IRF4: variants seen among roughly 807,000 people sequenced by gnomAD.
The protein encoded by IRF4 is lymphocyte-specific interferon regulatory factor.
IRF4 carries 13 observed loss-of-function variants against 55.5 expected under a neutral mutation model. That is an observed-to-expected ratio of 0.23 (90% confidence interval 0.15 to 0.37). The LOEUF is 0.37. Ranked by LOEUF, IRF4 falls within the 10% of genes least tolerant of loss-of-function variation. The pLI is 1.00. For missense variants in IRF4, 397 were observed against 593.8 expected (o/e 0.67, Z 3.44); for synonymous variants, 249 against 240.7 (o/e 1.03, Z -0.32).
In IRF4 at chr6:409,014, T is replaced by TG. The variant is rs1367536954; in HGVS notation, c.*1420dup. ...GTTTTGAGAAAGTACAGCAGTAGAC[T>TG]GGGGCGTCACCTCCAGGCCGTTTCT... On this transcript the variant is annotated 3_prime_UTR_variant, in exon 9 of 9. Transcript: ENST00000380956. The TG allele has an allele frequency of 1.3e-5, 3 of 222,852 alleles. No homozygotes were observed. Among genetic ancestry groups the TG allele is most frequent in the Non-Finnish European group, 2.7e-5 (3 of 111,428 alleles). The allele number at this position is 222,852 out of a possible 1,614,324, so 13.8% of individuals were successfully genotyped here. A position where few individuals can be genotyped will look rare whatever the true frequency, so the allele number is the denominator to read the frequency against.
At chr6:398,807 G>C in intron 5 of IRF4, 21 bp from the exon 6 acceptor site, 13 of 1,584,564 alleles carry the variant, frequency 8.2e-6, no homozygotes, top group Non-Finnish European at 1.1e-5. Flanking sequence ...GACATCATCT[G>C]ATTTTTATTT....
chr6:410,170 C>T lies in IRF4; in HGVS notation c.*2572C>T, dbSNP rs776690592. On this transcript the variant is annotated 3_prime_UTR_variant, in exon 9 of 9. Transcript: ENST00000380956. ...TAGAATTTAGTTTGTACTCAGTGGACAGTGCTGTTGAAGATTTGAGGACTT... is the reference window on the plus strand; with the variant it reads ...TAGAATTTAGTTTGTACTCAGTGGATAGTGCTGTTGAAGATTTGAGGACTT... The T allele has an allele frequency of 1.7e-5, 4 of 229,270 alleles. No homozygotes were observed. Among genetic ancestry groups the T allele is most frequent in the African/African-American group, 2.2e-5 (1 of 45,130 alleles). 14.2% of individuals were successfully genotyped at this position (229,270 alleles called of 1,614,324 possible). A position where few individuals can be genotyped will look rare whatever the true frequency, so the allele number is the denominator to read the frequency against.
chr6:392,723 C>G (rs139795494), intron 1 of IRF4, among the ~76,000 whole-genome samples: 1 of 151,982 alleles, frequency 6.6e-6, no homozygotes, highest in Admixed American at 6.6e-5. Flanking sequence ...TGGGAGTGAG[C>G]GAAGGCAAGC....
At chr6:397,764 G>T (rs190444916) in intron 5 of IRF4, among the ~76,000 whole-genome samples, 9 of 152,280 alleles carry the variant, frequency 5.9e-5, no homozygotes, top group Admixed American at 5.2e-4. Context: ...GATTAGATGT[G>T]GTCCCCTGCC....
chr6:405,754 A>G (rs1761527977), intron 8 of IRF4, among the ~76,000 whole-genome samples: 1 of 152,230 alleles, frequency 6.6e-6, no homozygotes, highest in Non-Finnish European at 1.5e-5. Context: ...GGCAAGTAAC[A>G]CTAAAAGGGT....
In IRF4 at chr6:393,175, G is replaced by A. The variant is rs139884486; in HGVS notation, c.23G>A (p.Arg8Gln). 535 of 1,552,266 alleles carry A rather than the reference G, an allele frequency of 3.4e-4. No homozygotes were observed. The highest frequency in any genetic ancestry group is 4.5e-4 in the Non-Finnish European group (512 of 1,147,636). The change falls in exon 2 of 9, where the codon CGA (arginine) becomes CAA (glutamine). Residue 8 changes from arginine to glutamine, a missense_variant. Transcript: ENST00000380956. The surrounding 1 kb of genome is among the most constrained non-coding windows in gnomAD (Gnocchi z 5.4). MNLEGGG[R>Q]GGEFGMSAVS... is the part of the protein sequence containing the mutation. Reference sequence around the variant, plus strand: ...GGCATGAACCTGGAGGGCGGCGGCCGAGGCGGAGAGTTCGGCATGAGCGCG... The same window carrying A: ...GGCATGAACCTGGAGGGCGGCGGCCAAGGCGGAGAGTTCGGCATGAGCGCG...
In IRF4 at chr6:410,345, G is replaced by A. The variant is rs766533707; in HGVS notation, c.*2747G>A. The stretch of plus-strand genomic sequence containing the variant: ...GAACACTATAGAGAACCAAGTGACC[G>A]ACTCATTTACAACTGAAACCTAGGA... On this transcript the variant is annotated 3_prime_UTR_variant, in exon 9 of 9. Transcript: ENST00000380956. 30 of 227,584 alleles carry A rather than the reference G, an allele frequency of 1.3e-4. No individual in the cohort carries two copies. Among genetic ancestry groups the A allele is most frequent in the Non-Finnish European group, 2.5e-4 (29 of 114,440 alleles). 14.1% of individuals were successfully genotyped at this position (227,584 alleles called of 1,614,324 possible). A position where few individuals can be genotyped will look rare whatever the true frequency, so the allele number is the denominator to read the frequency against.
intron 7 of IRF4, among the ~76,000 whole-genome samples, chr6:404,659 T>G (rs888910740): frequency 6.6e-6 from 1 of 152,242 alleles, no homozygotes; most frequent in African/African-American, 2.4e-5. Context: ...TGGCATAAAT[T>G]GGTCTTTTGC....
intron 1 of IRF4, among the ~76,000 whole-genome samples, chr6:392,271 C>T (rs546849844): frequency 6.6e-6 from 1 of 152,368 alleles, no homozygotes; most frequent in East Asian, 1.9e-4. Flanking sequence ...CGGTGCTCAC[C>T]CGCTGGCGCA....
At position 408,229 on chromosome 6, in the gene IRF4, T is replaced by G. The variant is rs1030205908; in HGVS notation, c.*631T>G. 2 of 232,740 alleles carry G rather than the reference T, an allele frequency of 8.6e-6. No individual in the cohort carries two copies. Among genetic ancestry groups the G allele is most frequent in the Non-Finnish European group, 1.7e-5 (2 of 117,652 alleles). 14.4% of individuals were successfully genotyped at this position (232,740 alleles called of 1,614,324 possible). A position where few individuals can be genotyped will look rare whatever the true frequency, so the allele number is the denominator to read the frequency against. On this transcript the variant is annotated 3_prime_UTR_variant, in exon 9 of 9. Transcript: ENST00000380956. ...ATGTAAATTGAAGAAGCCTCACACG[T>G]AAAAGAAATGTATTAATGTATGTAG...
chr6:405,055 A>G lies in IRF4; in HGVS notation c.1137A>G (p.Pro379=), dbSNP rs1761509738. The change falls in exon 8 of 9, where the codon CCA becomes CCG. Residue 379 remains proline, a synonymous_variant. Transcript: ENST00000380956. The part of the protein sequence containing the change: ...QAFAHHGRSL[P]RFQVTLCFGE... ...TTGCTCACCACGGCCGCTCCCTGCC[A>G]AGATTCCAGGTGACTCTATGCTTTG... 6.2e-7 allele frequency: 1 copy of G among 1,614,120 alleles called. No homozygotes were observed. The highest frequency in any genetic ancestry group is 1.1e-5 in the South Asian group (1 of 91,074).
intron 3 of IRF4, 149 bp from the exon 4 acceptor site, chr6:395,698 A>G: frequency 1.5e-6 from 1 of 651,664 alleles, no homozygotes; most frequent in Non-Finnish European, 2.7e-6. Context: ...ATAACTTCCC[A>G]AGGGAGTTGC....
intron 1 of IRF4, among the ~76,000 whole-genome samples, chr6:392,761 G>A (rs1453981630): frequency 6.6e-6 from 1 of 152,226 alleles, no homozygotes; most frequent in Non-Finnish European, 1.5e-5. Context: ...GCGGAAGGAG[G>A]GCCAGGAGGG....
In IRF4 at chr6:393,531, A is replaced by G. The variant is rs1174082440; in HGVS notation, c.216+163A>G. ...GTCGCCGGAGCCGCAGGAGGAGGAA[A>G]GGAGGCCTCGGCTCTCAGCGGGACC... On this transcript the variant is annotated intron_variant, in intron 2 of 8. Coordinates refer to ENST00000380956, the MANE Select transcript of IRF4 (RefSeq NM_002460.4). This position sits in a 1 kb window ranked among gnomAD's most constrained non-coding sequence, Gnocchi z 5.4. Among the ~76,000 whole-genome samples, 1 of 151,954 alleles carries G rather than the reference A, an allele frequency of 6.6e-6. No homozygotes were observed. The highest frequency in any genetic ancestry group is 1.9e-4 in the East Asian group (1 of 5,174).
In IRF4 at chr6:393,511, CGGAGCCGCA is replaced by C. The variant is rs1245882154; in HGVS notation, c.216+148_216+156del. 6 of 533,764 alleles carry C rather than the reference CGGAGCCGCA, an allele frequency of 1.1e-5. No individual in the cohort carries two copies. The highest frequency in any genetic ancestry group is 1.7e-5 in the Non-Finnish European group (6 of 349,080). 33.1% of individuals were successfully genotyped at this position (533,764 alleles called of 1,614,324 possible). On this transcript the variant is annotated intron_variant, in intron 2 of 8. Coordinates refer to ENST00000380956, the MANE Select transcript of IRF4 (RefSeq NM_002460.4). This position sits in a 1 kb window ranked among gnomAD's most constrained non-coding sequence, Gnocchi z 5.4. Reference sequence around the variant, plus strand: ...CGGCGGAGGCATCAGGTGGCGTCGCCGGAGCCGCAGGAGGAGGAAAGGAGGCCTCGGCTC... The same window carrying C: ...CGGCGGAGGCATCAGGTGGCGTCGCCGGAGGAGGAAAGGAGGCCTCGGCTC...
At chr6:398,157 A>G (rs897650943) in intron 5 of IRF4, among the ~76,000 whole-genome samples, 1 of 152,240 alleles carries the variant, frequency 6.6e-6, no homozygotes, top group Non-Finnish European at 1.5e-5. Flanking sequence ...TGGCTAACAT[A>G]AAACTAGCTC....
intron 2 of IRF4, among the ~76,000 whole-genome samples, chr6:394,402 A>G (rs940543180): frequency 2.0e-5 from 3 of 152,246 alleles, no homozygotes; most frequent in Admixed American, 6.5e-5. Context: ...GTTCTGAGCA[A>G]CGGTGTAAAT....
Position 407,845 on chromosome 6 carries a change from A to G in IRF4, c.*247A>G. ...ATTGTAAATATTTGACTTTAGTGAA[A>G]GCGTCCAATTGACTGCCCTCTTACT... On this transcript the variant is annotated 3_prime_UTR_variant, in exon 9 of 9. Transcript: ENST00000380956. The G allele has an allele frequency of 2.2e-6, 1 of 454,558 alleles. No individual in the cohort carries two copies. Among genetic ancestry groups the G allele is most frequent in the South Asian group, 3.0e-5 (1 of 33,336 alleles). 28.2% of individuals were successfully genotyped at this position (454,558 alleles called of 1,614,324 possible).
At chr6:392,358 C>A (rs960240730) in intron 1 of IRF4, among the ~76,000 whole-genome samples, 4 of 152,318 alleles carry the variant, frequency 2.6e-5, no homozygotes, top group Admixed American at 6.5e-5. Context: ...GCGGTCCCTG[C>A]CTCCCAGGCT....
Sources: gnomAD v4.1 joint callset for allele counts (sites outside exome capture counted in the v4.1 genomes callset) on GRCh38, gnomAD v4.1.1 for gene constraint, Gnocchi (gnomAD v3.1) non-coding constraint, MANE v1.5 for transcripts, NCBI Gene and HGNC (gene_info 2026-07-23, HGNC 2026-07-21) for gene names.